Variants in CNTNAP2 observed in about 807,000 individuals in gnomAD.
The protein encoded by CNTNAP2 is contactin associated protein 2.
CNTNAP2 carries 98 observed loss-of-function variants against 155.2 expected under a neutral mutation model. The observed-to-expected ratio is 0.63, with a 90% CI of 0.54 to 0.75. The LOEUF (loss-of-function observed/expected upper bound fraction) is 0.75, where lower values mean the gene tolerates loss of function less well. Among genes scored for constraint, CNTNAP2 ranks in the 30% least tolerant of loss-of-function variants. The pLI is 0.00. For missense variants in CNTNAP2, 1,727 were observed against 1,688.1 expected (o/e 1.02, Z -0.40); for synonymous variants, 651 against 631.2 (o/e 1.03, Z -0.47).
intron 3 of CNTNAP2, among the ~76,000 whole-genome samples, chr7:146,846,084 T>A (rs1803835415): frequency 6.6e-6 from 1 of 152,210 alleles, no homozygotes; most frequent in Non-Finnish European, 1.5e-5. Flanking sequence ...TCTAGAATTT[T>A]GTCTGCATGC....
At chr7:147,082,034 T>C (rs1442383229) in intron 4 of CNTNAP2, 1 of 152,162 alleles carries the variant, frequency 6.6e-6, no homozygotes, top group African/African-American at 2.4e-5. Flanking sequence ...GAATGGTCCT[T>C]GATCACTTAT....
intron 13 of CNTNAP2, among the ~76,000 whole-genome samples, chr7:147,745,651 C>G (rs188937086): frequency 6.6e-6 from 1 of 152,088 alleles, no homozygotes; most frequent in Non-Finnish European, 1.5e-5. Flanking sequence ...TATAACCAAT[C>G]GAGAAATGTG....
At chr7:147,320,292 T>A (rs1420378942) in intron 9 of CNTNAP2, among the ~76,000 whole-genome samples, 1 of 152,184 alleles carries the variant, frequency 6.6e-6, no homozygotes, top group East Asian at 1.9e-4. Context: ...GTCCTGTGGC[T>A]ACAACTAGTT....
intron 13 of CNTNAP2, among the ~76,000 whole-genome samples, chr7:147,757,363 C>A (rs889019086): frequency 6.6e-6 from 1 of 152,136 alleles, no homozygotes; most frequent in African/African-American, 2.4e-5. Context: ...TTCAAAGAAA[C>A]AAAATTCCAG....
intron 1 of CNTNAP2, among the ~76,000 whole-genome samples, chr7:146,720,913 C>T (rs1284998328): frequency 7.3e-6 from 1 of 137,906 alleles, no homozygotes; most frequent in African/African-American, 2.8e-5. Context: ...TATATATATA[C>T]TCTCTATATA....
chr7:147,092,396 G>A (rs1053562182), intron 4 of CNTNAP2, among the ~76,000 whole-genome samples: 1 of 152,070 alleles, frequency 6.6e-6, no homozygotes, highest in East Asian at 1.9e-4. Flanking sequence ...AAAAGAAAAT[G>A]CCAGATCTTT....
At chr7:147,233,583 C>CAAA (rs11354058) in intron 8 of CNTNAP2, among the ~76,000 whole-genome samples, 2 of 135,982 alleles carry the variant, frequency 1.5e-5, no homozygotes, top group Non-Finnish European at 3.2e-5. Flanking sequence ...ACCAAAAAAG[C>CAAA]AAAAAAAAAA....
chr7:146,982,790 C>T (rs1798043709), intron 3 of CNTNAP2, among the ~76,000 whole-genome samples: 1 of 152,010 alleles, frequency 6.6e-6, no homozygotes, highest in African/African-American at 2.4e-5. Flanking sequence ...GTCAAAAGGT[C>T]CAGAGAAGAA....
intron 12 of CNTNAP2, among the ~76,000 whole-genome samples, chr7:147,580,453 T>A (rs1800477378): frequency 6.6e-6 from 1 of 152,192 alleles, no homozygotes; most frequent in Non-Finnish European, 1.5e-5. Flanking sequence ...GAGACTTATG[T>A]TTTGACAGTC....
chr7:147,767,599 A>G (rs1259194737), intron 13 of CNTNAP2, among the ~76,000 whole-genome samples: 1 of 152,004 alleles, frequency 6.6e-6, no homozygotes, highest in African/African-American at 2.4e-5. Flanking sequence ...GCTGTGTTCT[A>G]TGCTTTAAAT....
At chr7:148,244,688 G>T (rs1030301451) in intron 20 of CNTNAP2, among the ~76,000 whole-genome samples, 2 of 151,356 alleles carry the variant, frequency 1.3e-5, no homozygotes, top group Non-Finnish European at 2.9e-5. Flanking sequence ...TCAGCCTCCC[G>T]AGTAGCTGGG....
chr7:148,164,611 CTTTTTTTTTTTTT>C (rs1175888434), intron 17 of CNTNAP2, among the ~76,000 whole-genome samples: 1 of 93,488 alleles, frequency 1.1e-5, no homozygotes, highest in Non-Finnish European at 1.9e-5. Flanking sequence ...TTTTCTCTCT[CTTTTTTTTTTTTT>C]TTTTTTTTTT....
intron 13 of CNTNAP2, among the ~76,000 whole-genome samples, chr7:147,890,531 A>G (rs994448235): frequency 6.6e-6 from 1 of 152,230 alleles, no homozygotes; most frequent in Non-Finnish European, 1.5e-5. Flanking sequence ...TCAAAGAGGT[A>G]TCTGCATTCC....
intron 1 of CNTNAP2, among the ~76,000 whole-genome samples, chr7:146,494,866 G>A (rs1563106301): frequency 6.6e-6 from 1 of 152,190 alleles, no homozygotes; most frequent in Admixed American, 6.5e-5. Flanking sequence ...GCTAGCTTAT[G>A]AAGGCAATGC....
At chr7:147,234,835 C>T (rs998584788) in intron 8 of CNTNAP2, among the ~76,000 whole-genome samples, 2 of 152,114 alleles carry the variant, frequency 1.3e-5, no homozygotes, top group Admixed American at 6.6e-5. Flanking sequence ...TCAAGTTTTG[C>T]ATCTTTGGCA....
At chr7:147,585,603 A>G (rs1277734883) in intron 12 of CNTNAP2, among the ~76,000 whole-genome samples, 1 of 133,224 alleles carries the variant, frequency 7.5e-6, no homozygotes, top group African/African-American at 2.9e-5. Context: ...CTAGAAATAA[A>G]TAGTAGGCAA....
In CNTNAP2 at chr7:146,996,816, G is replaced by C. The variant is rs533861689; in HGVS notation, c.403-47091G>C. Among the ~76,000 whole-genome samples, 9 of 152,206 alleles carry C rather than the reference G, an allele frequency of 5.9e-5. No individual in the cohort carries two copies. In the South Asian group the frequency reaches 1.7e-3, roughly 28 times the overall value. On this transcript the variant is annotated intron_variant, in intron 3 of 23. Transcript: ENST00000361727. ...CACCCAAATCTCATCTTGAATTGTA[G>C]CTTCCGTAATTCCCACTTGTTGTGG...
chr7:148,032,081 A>G (rs1802486959), intron 15 of CNTNAP2, among the ~76,000 whole-genome samples: 1 of 152,138 alleles, frequency 6.6e-6, no homozygotes, highest in African/African-American at 2.4e-5. Context: ...CAGTGGTCTG[A>G]AAGAATTAAT....
At position 146,774,270 on chromosome 7, in the gene CNTNAP2, GA is replaced by G; in HGVS notation, c.102del (p.Lys34AsnfsTer32). 6.2e-7 allele frequency: 1 copy of G among 1,612,630 alleles called. No homozygotes were observed. The highest frequency in any genetic ancestry group is 2.2e-5 in the East Asian group (1 of 44,840). On this transcript the variant is annotated frameshift_variant and splice_region_variant, in exon 2 of 24. Coordinates refer to ENST00000361727, the MANE Select transcript of CNTNAP2 (RefSeq NM_014141.6). LOFTEE classifies it high-confidence loss of function. ...TCTCCCTCTCTGTCTTTTGTTTTCA[GA>G]AAAATGTGATGAGCCACTTGTCTCT... ...CRAWTAPSTSQKCDEPLVSGL... is the reference protein window; with the variant it reads ...CRAWTAPSTSXKCDEPLVSGL...
Sources: gnomAD v4.1 joint callset for allele counts (sites outside exome capture counted in the v4.1 genomes callset) on GRCh38, gnomAD v4.1.1 for gene constraint, MANE v1.5 for transcripts, NCBI Gene and HGNC (gene_info 2026-07-23, HGNC 2026-07-21) for gene names.